The following DNMT3B variants were observed in gnomAD, a reference collection of about 807,000 sequenced individuals.
DNMT3B encodes the protein DNA (cytosine-5)-methyltransferase 3B.
DNMT3B carries 37 observed loss-of-function variants against 120.2 expected under a neutral mutation model. That is an observed-to-expected ratio of 0.31 (90% CI 0.24 to 0.40). The LOEUF (loss-of-function observed/expected upper bound fraction) is 0.40. Ranked by LOEUF, DNMT3B falls within the 10% of genes least tolerant of loss-of-function variation. The probability of loss-of-function intolerance (pLI) is 1.00; values close to 1 mark genes in which losing one functional copy is unlikely to be tolerated. For synonymous variants in DNMT3B, 412 were observed against 442.8 expected, an observed-to-expected ratio of 0.93 and a Z score of 0.87; for missense variants, 878 against 1,137.3, an observed-to-expected ratio of 0.77 and a Z score of 3.28.
intron 6 of DNMT3B, 51 bp downstream of exon 6, chr20:32,787,502 G>A: frequency 6.3e-7 from 1 of 1,579,374 alleles, no homozygotes; most frequent in Non-Finnish European, 8.6e-7. Flanking sequence ...CCTGAACACG[G>A]GGAAAAACCA....
chr20:32,766,924 CTT>C (rs978010998), intron 1 of DNMT3B, among the ~76,000 whole-genome samples: 7 of 150,608 alleles, frequency 4.6e-5, no homozygotes, highest in African/African-American at 1.7e-4. Context: ...GAGTTTCGCT[CTT>C]GTCGCCCAGG....
chr20:32,801,325 T>G lies in DNMT3B; in HGVS notation c.2044T>G (p.Ser682Ala), dbSNP rs1186097689. 1 of 1,614,076 alleles carries G rather than the reference T, an allele frequency of 6.2e-7. No homozygotes were observed. Among genetic ancestry groups the G allele is most frequent in the Non-Finnish European group, 8.5e-7 (1 of 1,180,050 alleles). ...CGAATTTTACCACCTGCTGAATTAC[T>G]CACGCCCCAAGGAGGGTGATGACCG... The part of the protein sequence containing the change: ...FFEFYHLLNY[S>A]RPKEGDDRPF... Residue 682 changes from serine (S) to alanine (A), a missense_variant, in exon 19 of 23, where the codon TCA (serine) becomes GCA (alanine). Around this residue, in one of 4 missense-constraint regions of DNMT3B, gnomAD observed 334 missense variants for 518.8 expected, o/e 0.64. Transcript: ENST00000328111.
Position 32,796,861 on chromosome 20 carries a change from A to C in DNMT3B, c.1369A>C (p.Thr457Pro), listed in dbSNP as rs1377006899. The change falls in exon 13 of 23, where the codon ACA becomes CCA. Residue 457 changes from threonine (T) to proline (P), a missense_variant. This residue lies in a region of DNMT3B where 207 missense variants were observed against 222.6 expected (regional missense o/e 0.93). Transcript: ENST00000328111. ...TCTCTTTGAGGGGGGGCTCTGTCAGACATGCCGGGTAAGTCCTCCTACTAC... is the reference window on the plus strand; with the variant it reads ...TCTCTTTGAGGGGGGGCTCTGTCAGCCATGCCGGGTAAGTCCTCCTACTAC... ...HPLFEGGLCQ[T>P]CRDRFLELFY... 6.2e-7 allele frequency: 1 copy of C among 1,614,122 alleles called. No homozygotes were observed. The highest frequency in any genetic ancestry group is 1.1e-5 in the South Asian group (1 of 91,076).
At chr20:32,767,474 G>A (rs992381355) in intron 1 of DNMT3B, among the ~76,000 whole-genome samples, 7 of 151,952 alleles carry the variant, frequency 4.6e-5, no homozygotes, top group African/African-American at 1.7e-4. Flanking sequence ...TTGTCACCCA[G>A]GCTGGAGTGC....
chr20:32,792,909 G>A, intron 9 of DNMT3B, 139 bp downstream of exon 9: 1 of 1,332,574 alleles, frequency 7.5e-7, no homozygotes, highest in East Asian at 2.5e-5. Flanking sequence ...GGAAAAATAG[G>A]AGCAGGCATA....
At chr20:32,774,561 G>C (rs1601060308) in intron 1 of DNMT3B, among the ~76,000 whole-genome samples, 1 of 126,898 alleles carries the variant, frequency 7.9e-6, no homozygotes, top group East Asian at 2.8e-4. Flanking sequence ...CTTGTTTGTT[G>C]CATGGGTTTA....
chr20:32,766,119 G>A (rs1987352116), intron 1 of DNMT3B, among the ~76,000 whole-genome samples: 1 of 152,120 alleles, frequency 6.6e-6, no homozygotes, highest in Non-Finnish European at 1.5e-5. Flanking sequence ...TGAGGCTGGA[G>A]GATCACTTAA....
intron 12 of DNMT3B, among the ~76,000 whole-genome samples, chr20:32,796,544 G>C (rs576538843): frequency 1.3e-5 from 2 of 152,150 alleles, no homozygotes; most frequent in Admixed American, 1.3e-4. Context: ...CCTGCTCAGC[G>C]TTCTGCCTGA....
In DNMT3B at chr20:32,781,432, C is replaced by T; in HGVS notation, c.204+18C>T. Reference sequence around the variant, plus strand: ...ACACACAGGTATGGTCTCTGCTCTCCCTTTTTCAGGGCTCAGGGACTTTGT... The same window carrying T: ...ACACACAGGTATGGTCTCTGCTCTCTCTTTTTCAGGGCTCAGGGACTTTGT... On this transcript the variant is annotated intron_variant, in intron 3 of 22. Transcript: ENST00000328111. 5.0e-6 allele frequency: 8 copies of T among 1,614,086 alleles called. No individual in the cohort carries two copies. The highest frequency in any genetic ancestry group is 6.8e-6 in the Non-Finnish European group (8 of 1,179,930).
chr20:32,787,220 C>A lies in DNMT3B; in HGVS notation c.433-10C>A. 1.2e-6 allele frequency: 2 copies of A among 1,614,244 alleles called. No homozygotes were observed. The highest frequency in any genetic ancestry group is 1.7e-6 in the Non-Finnish European group (2 of 1,180,042). On this transcript the variant is annotated splice_polypyrimidine_tract_variant and intron_variant, in intron 5 of 22. Coordinates refer to ENST00000328111, the MANE Select transcript of DNMT3B (RefSeq NM_006892.4). ...GCTCTGGCCCAAACTATGTGTCCTT[C>A]TGTCCACAGTCCCTGAGACGGCGGG...
chr20:32,784,270 T>A (rs77315300), intron 3 of DNMT3B, among the ~76,000 whole-genome samples: 1 of 152,316 alleles, frequency 6.6e-6, no homozygotes, highest in African/African-American at 2.4e-5. Flanking sequence ...TGACCTCAGG[T>A]GACCTCAGTC....
chr20:32,780,121 A>G (rs1978404013), intron 1 of DNMT3B, 197 bp from the exon 2 acceptor site: 1 of 1,613,606 alleles, frequency 6.2e-7, no homozygotes. Context: ...TCCACATGGA[A>G]CCAAGTCCTG....
Position 32,792,748 on chromosome 20 carries a change from C to T in DNMT3B, c.1044C>T (p.Leu348=). The T allele has an allele frequency of 6.2e-7, 1 of 1,614,214 alleles. No individual in the cohort carries two copies. The highest frequency in any genetic ancestry group is 8.5e-7 in the Non-Finnish European group (1 of 1,180,036). ...GGFKPTGIEG[L]KPNNTQPVVN... Reference sequence around the variant, plus strand: ...TCAAGCCCACTGGGATCGAGGGCCTCAAACCCAACAACACGCAACCAGGTG... The same window carrying T: ...TCAAGCCCACTGGGATCGAGGGCCTTAAACCCAACAACACGCAACCAGGTG... Residue 348 remains leucine, a synonymous_variant, in exon 9 of 23, where the codon CTC becomes CTT. Transcript: ENST00000328111.
At chr20:32,801,077 C>A in intron 18 of DNMT3B, 152 bp downstream of exon 18, 1 of 1,234,680 alleles carries the variant, frequency 8.1e-7, no homozygotes, top group Non-Finnish European at 1.2e-6. Context: ...CATAGTAAAT[C>A]CTCAGCCCAC....
chr20:32,779,671 C>T (rs1978344975), intron 1 of DNMT3B, among the ~76,000 whole-genome samples: 1 of 152,178 alleles, frequency 6.6e-6, no homozygotes, highest in South Asian at 2.1e-4. Context: ...ATCCTTCCCT[C>T]CTTGGGAACT....
intron 1 of DNMT3B, among the ~76,000 whole-genome samples, chr20:32,773,802 T>G (rs980200526): frequency 4.6e-5 from 7 of 151,880 alleles, no homozygotes; most frequent in African/African-American, 4.8e-5. Context: ...CAGCTAATTT[T>G]AAGAAATATT....
At chr20:32,780,575 C>G in intron 2 of DNMT3B, 110 bp downstream of exon 2, 1 of 1,498,094 alleles carries the variant, frequency 6.7e-7, no homozygotes, top group Non-Finnish European at 9.0e-7. Flanking sequence ...ACCACAATTC[C>G]CCGGGAGGGA....
chr20:32,790,740 G>A (rs1448145828), intron 7 of DNMT3B, among the ~76,000 whole-genome samples: 1 of 151,966 alleles, frequency 6.6e-6, no homozygotes, highest in Admixed American at 6.6e-5. Flanking sequence ...GCACTGTCTT[G>A]GCTCACTGCA....
intron 4 of DNMT3B, 71 bp from the exon 5 acceptor site, chr20:32,786,431 T>C (rs1979288694): frequency 1.2e-6 from 2 of 1,609,236 alleles, no homozygotes; most frequent in South Asian, 1.1e-5. Context: ...GAAGGCCTAA[T>C]CCTTCTGGCC....
Sources: allele counts gnomAD v4.1 joint callset (sites outside exome capture counted in the v4.1 genomes callset), GRCh38; gene constraint gnomAD v4.1.1; regional missense constraint gnomAD v4.1.1; transcripts MANE v1.5; gene names NCBI Gene and HGNC (gene_info 2026-07-23, HGNC 2026-07-21).